NBPF11: variants seen among roughly 807,000 people sequenced by gnomAD.
The protein encoded by NBPF11 is NBPF member 11, also known as NBPF family member NBPF11.
NBPF11 carries 72 observed loss-of-function variants against 93.9 expected under a neutral mutation model. The observed-to-expected ratio is 0.77, with a 90% CI of 0.63 to 0.93. NBPF11 has a LOEUF of 0.93. Among genes scored for constraint, NBPF11 ranks in the 40% least tolerant of loss-of-function variants. The pLI, the probability that NBPF11 is intolerant of heterozygous loss-of-function variation, is 0.00. For missense variants in NBPF11, 705 were observed against 802.2 expected (o/e 0.88, Z 1.46); for synonymous variants, 224 against 304.9 (o/e 0.73, Z 2.76).
At position 148,122,746 on chromosome 1, in the gene NBPF11, C is replaced by T. The variant is rs1437806394; in HGVS notation, c.549G>A (p.Leu183=). 1 of 1,609,534 alleles carries T rather than the reference C, an allele frequency of 6.2e-7. No homozygotes were observed. The highest frequency in any genetic ancestry group is 1.3e-5 in the African/African-American group (1 of 74,652). ...AATGTTACCTGGGGGCAGATGATTCCAGTACTTTCTCATCCTCCTCAACTT... is the reference window on the plus strand; with the variant it reads ...AATGTTACCTGGGGGCAGATGATTCTAGTACTTTCTCATCCTCCTCAACTT... The part of the protein sequence containing the change: ...DVQVEEDEKV[L]ESSAPREVQK... The change falls in exon 8 of 24, where the codon CTG becomes CTA. Residue 183 remains leucine (L), a synonymous_variant. Transcript: ENST00000682118.
At chr1:148,149,222 A>G (rs9437935) in intron 1 of NBPF11, 148,669 of 1,446,154 alleles carry the variant, frequency 0.1, 21,025 homozygotes, top group African/African-American at 0.34. Flanking sequence ...GGTGCCCACC[A>G]TGGACCTGGC....
At chr1:148,132,533 A>G (rs868931325) in intron 4 of NBPF11, among the ~76,000 whole-genome samples, 779 of 127,252 alleles carry the variant, frequency 6.1e-3, no homozygotes, top group Admixed American at 0.016. Context: ...CCAAAATGCC[A>G]CTTGGAATTT....
At chr1:148,136,262 T>C (rs1163683664) in intron 3 of NBPF11, among the ~76,000 whole-genome samples, 5 of 151,762 alleles carry the variant, frequency 3.3e-5, no homozygotes, top group Non-Finnish European at 7.4e-5. Flanking sequence ...CAGAAAATGA[T>C]ATATACAAGA....
At chr1:148,142,327 C>A (rs1391695310) in intron 2 of NBPF11, among the ~76,000 whole-genome samples, 1 of 151,936 alleles carries the variant, frequency 6.6e-6, no homozygotes, top group Non-Finnish European at 1.5e-5. Flanking sequence ...GGGGTACAAC[C>A]CCTTCTTCCT....
rs2149236300 is a variant in NBPF11, at chr1:148,122,273, A to C, written c.567-7T>G. 1 of 1,609,802 alleles carries C rather than the reference A, an allele frequency of 6.2e-7. No homozygotes were observed. The highest frequency in any genetic ancestry group is 2.2e-5 in the East Asian group (1 of 44,868). ...TTCAGCCTTCTGCACCTCCCTGATG[A>C]GCCAGGTGGGACAGAGATGACAGAA... On this transcript the variant is annotated splice_region_variant and splice_polypyrimidine_tract_variant and intron_variant, in intron 8 of 23. Coordinates refer to ENST00000682118, the MANE Select transcript of NBPF11 (RefSeq NM_001385469.3).
intron 18 of NBPF11, among the ~76,000 whole-genome samples, 199 bp downstream of exon 18, chr1:148,108,283 G>A (rs1172630003): frequency 6.6e-6 from 1 of 151,834 alleles, no homozygotes; most frequent in Non-Finnish European, 1.5e-5. Context: ...CCTGAGACTA[G>A]GAAGAGAGCC....
At chr1:148,114,340 G>A in intron 15 of NBPF11, 97 bp downstream of exon 15, 1 of 607,898 alleles carries the variant, frequency 1.6e-6, no homozygotes, top group Non-Finnish European at 2.9e-6. Context: ...TGGGTGAATG[G>A]AAGAAATAGT....
intron 1 of NBPF11, among the ~76,000 whole-genome samples, chr1:148,145,201 C>CTTTTTTTTTTTTT (rs1190949525): frequency 4.0e-5 from 3 of 75,622 alleles, no homozygotes; most frequent in Admixed American, 3.0e-4. Context: ...TTTTTTCTTT[C>CTTTTTTTTTTTTT]TTTTTTTTTT....
At chr1:148,108,035 C>A (rs1412745357) in intron 18 of NBPF11, among the ~76,000 whole-genome samples, 1 of 150,422 alleles carries the variant, frequency 6.6e-6, no homozygotes, top group Admixed American at 6.7e-5. Context: ...CATATTTTTC[C>A]AATCGATTTA....
At chr1:148,132,132 A>ATG (rs1250109681) in intron 4 of NBPF11, among the ~76,000 whole-genome samples, 13,835 of 131,416 alleles carry the variant, frequency 0.11, 2 homozygotes, top group Admixed American at 0.19. Flanking sequence ...CAATATATAT[A>ATG]TGTGTGTGTG....
chr1:148,113,614 CA>C (rs1378282873), intron 15 of NBPF11, among the ~76,000 whole-genome samples: 2 of 102,898 alleles, frequency 1.9e-5, no homozygotes, highest in African/African-American at 7.9e-5. Flanking sequence ...CTGCACCAAG[CA>C]GACCTAAAAG....
intron 5 of NBPF11, among the ~76,000 whole-genome samples, chr1:148,125,499 A>G (rs1355678884): frequency 6.6e-6 from 1 of 152,054 alleles, no homozygotes; most frequent in African/African-American, 2.4e-5. Context: ...GGTTTTAAGA[A>G]TCATATCTGA....
At position 148,103,543 on chromosome 1, in the gene NBPF11, T is replaced by C. The variant is rs1464353256; in HGVS notation, c.*353A>G. 5.1e-4 allele frequency: 782 copies of C among 1,541,172 alleles called. 5 individuals carry two copies. In the African/African-American group the frequency reaches 9.7e-3, roughly 19 times the overall value. ...CACTGGCATGCTCTGAGAATAGGAATAGAGCCATGCCCACTGACCCATCCT... is the reference window on the plus strand; with the variant it reads ...CACTGGCATGCTCTGAGAATAGGAACAGAGCCATGCCCACTGACCCATCCT... On this transcript the variant is annotated 3_prime_UTR_variant, in exon 24 of 24. Transcript: ENST00000682118.
At chr1:148,111,474 C>T (rs1180217315) in intron 15 of NBPF11, among the ~76,000 whole-genome samples, 4 of 151,966 alleles carry the variant, frequency 2.6e-5, no homozygotes, top group East Asian at 1.9e-4. Flanking sequence ...GGAGGATGTG[C>T]GAACTCATCG....
At chr1:148,146,756 C>T in intron 1 of NBPF11, 1 of 1,612,942 alleles carries the variant, frequency 6.2e-7, no homozygotes, top group Non-Finnish European at 8.5e-7. Flanking sequence ...CACGGCAATG[C>T]CGTGGACCTG....
chr1:148,138,817 G>A (rs1239649786), intron 2 of NBPF11, among the ~76,000 whole-genome samples: 4 of 151,756 alleles, frequency 2.6e-5, no homozygotes, highest in Admixed American at 2.0e-4. Context: ...TTCAGGTCAG[G>A]CCATGGCTCA....
At chr1:148,145,019 G>T (rs1377760829) in intron 1 of NBPF11, among the ~76,000 whole-genome samples, 13 of 148,328 alleles carry the variant, frequency 8.8e-5, no homozygotes, top group Non-Finnish European at 1.2e-4. Flanking sequence ...CAGGAGGATT[G>T]CTTGAGCCAG....
At chr1:148,112,866 A>G (rs1414087532) in intron 15 of NBPF11, among the ~76,000 whole-genome samples, 1 of 150,968 alleles carries the variant, frequency 6.6e-6, no homozygotes, top group Non-Finnish European at 1.5e-5. Flanking sequence ...TATCCAGCCA[A>G]ACAAAGCTTC....
chr1:148,116,408 T>A (rs1666561852), intron 13 of NBPF11, 55 bp downstream of exon 13: 1 of 678,958 alleles, frequency 1.5e-6, no homozygotes. Context: ...GTGTGCCTCC[T>A]AGATATTCTT....
Sources: allele counts gnomAD v4.1 joint callset (sites outside exome capture counted in the v4.1 genomes callset), GRCh38; gene constraint gnomAD v4.1.1; transcripts MANE v1.5; gene names NCBI Gene and HGNC (gene_info 2026-07-23, HGNC 2026-07-21).